Variants in CSMD2 observed in about 807,000 individuals in gnomAD.
CSMD2 encodes CUB and Sushi multiple domains 2.
Under a neutral mutation model 398.5 loss-of-function variants are expected in CSMD2, and 130 were observed. The observed-to-expected ratio is 0.33, with a 90% confidence interval of 0.28 to 0.38. The LOEUF (loss-of-function observed/expected upper bound fraction) is 0.38. Among genes scored for constraint, CSMD2 ranks in the 10% least tolerant of loss-of-function variants. The probability of loss-of-function intolerance (pLI) is 1.00; values close to 1 mark genes in which losing one functional copy is unlikely to be tolerated. For missense variants in CSMD2, 3,829 were observed against 4,764.9 expected (o/e 0.80, Z 5.78); for synonymous variants, 1,828 against 1,908.5 (o/e 0.96, Z 1.10).
chr1:33,916,728 T>C (rs1167005733), intron 5 of CSMD2, among the ~76,000 whole-genome samples: 3 of 152,204 alleles, frequency 2.0e-5, no homozygotes, highest in Non-Finnish European at 2.9e-5. Context: ...TCTGAGCCTA[T>C]ACTTGGGAAG....
intron 1 of CSMD2, among the ~76,000 whole-genome samples, chr1:34,112,479 C>T (rs982289333): frequency 5.9e-5 from 9 of 152,312 alleles, no homozygotes; most frequent in African/African-American, 1.9e-4. Context: ...TCCCAGTGGA[C>T]TGCTCTGCAG....
At position 33,716,194 on chromosome 1, in the gene CSMD2, T is replaced by C. The variant is rs566310373; in HGVS notation, c.3217+92A>G. The C allele has an allele frequency of 2.0e-5, 22 of 1,078,242 alleles. No homozygotes were observed. The East Asian group carries it at 4.1e-4, about 20-fold the overall frequency. The allele number at this position is 1,078,242 out of a possible 1,614,324, so 66.8% of individuals were successfully genotyped here. A position where few individuals can be genotyped will look rare whatever the true frequency, so the allele number is the denominator to read the frequency against. ...CCAGGGACTGGAGAGTGGATTAATATCTATCTGCTAGGAAAACCAGAGACT... is the reference window on the plus strand; with the variant it reads ...CCAGGGACTGGAGAGTGGATTAATACCTATCTGCTAGGAAAACCAGAGACT... On this transcript the variant is annotated intron_variant, in intron 20 of 70. Transcript: ENST00000373381.
chr1:33,714,131 C>A (rs1263071243), intron 21 of CSMD2, among the ~76,000 whole-genome samples: 1 of 152,150 alleles, frequency 6.6e-6, no homozygotes, highest in Non-Finnish European at 1.5e-5. Context: ...AGAGTGAGCA[C>A]CGCCATTGGA....
intron 24 of CSMD2, 92 bp from the exon 25 acceptor site, chr1:33,693,148 C>A (rs1645299898): frequency 7.1e-7 from 1 of 1,399,578 alleles, no homozygotes; most frequent in African/African-American, 1.5e-5. Context: ...GCTCTTGAGT[C>A]CCTTCCCTCT....
At chr1:33,977,994 A>G (rs1646030490) in intron 3 of CSMD2, among the ~76,000 whole-genome samples, 1 of 152,140 alleles carries the variant, frequency 6.6e-6, no homozygotes, top group Non-Finnish European at 1.5e-5. Flanking sequence ...ACCTCTAAGG[A>G]GGACTAAGGC....
At chr1:33,941,536 G>A (rs1030870694) in intron 3 of CSMD2, among the ~76,000 whole-genome samples, 4 of 152,220 alleles carry the variant, frequency 2.6e-5, no homozygotes, top group Non-Finnish European at 5.9e-5. Flanking sequence ...GCCTGTGTAC[G>A]TGTGTCCATA....
intron 2 of CSMD2, among the ~76,000 whole-genome samples, chr1:34,072,616 C>G (rs1163613697): frequency 6.6e-6 from 1 of 152,196 alleles, no homozygotes; most frequent in East Asian, 1.9e-4. Context: ...GACTGAGACT[C>G]TGGCTCCAGG....
At chr1:34,149,420 C>A (rs1557431520) in intron 1 of CSMD2, among the ~76,000 whole-genome samples, 1 of 152,170 alleles carries the variant, frequency 6.6e-6, no homozygotes, top group Non-Finnish European at 1.5e-5. Context: ...CCAGCTGCCC[C>A]CCACCAACAG....
chr1:33,538,704 C>T (rs553440998), intron 60 of CSMD2, among the ~76,000 whole-genome samples: 3 of 152,166 alleles, frequency 2.0e-5, no homozygotes, highest in Non-Finnish European at 2.9e-5. Context: ...GAGCAACCAG[C>T]GTGGCCTTTC....
At chr1:34,053,638 A>G (rs947147761) in intron 2 of CSMD2, among the ~76,000 whole-genome samples, 1 of 152,232 alleles carries the variant, frequency 6.6e-6, no homozygotes, top group Non-Finnish European at 1.5e-5. Flanking sequence ...ATTTCTTAAA[A>G]TGTAGTAAGA....
intron 27 of CSMD2, 137 bp downstream of exon 27, chr1:33,657,809 C>T: frequency 1.3e-6 from 1 of 786,654 alleles, no homozygotes; most frequent in South Asian, 1.8e-5. Flanking sequence ...GCAGGGTAAA[C>T]AATGGGTTTT....
intron 1 of CSMD2, 56 bp from the exon 2 acceptor site, chr1:34,089,249 TAG>T (rs1194713780): frequency 6.4e-6 from 9 of 1,409,396 alleles, no homozygotes; most frequent in Non-Finnish European, 8.9e-6. Context: ...TAGAAGCTTC[TAG>T]AGAGTCAGGA....
intron 32 of CSMD2, among the ~76,000 whole-genome samples, chr1:33,627,418 C>T (rs1642196037): frequency 6.6e-6 from 1 of 152,138 alleles, no homozygotes; most frequent in East Asian, 1.9e-4. Context: ...GAGGCAGCAG[C>T]ATGGCCACTC....
At chr1:33,734,472 AT>A (rs1362969929) in intron 15 of CSMD2, among the ~76,000 whole-genome samples, 1 of 152,070 alleles carries the variant, frequency 6.6e-6, no homozygotes, top group Non-Finnish European at 1.5e-5. Flanking sequence ...CCCTCCGAGT[AT>A]TTCTTTAAAA....
At chr1:33,933,830 G>T (rs1250229588) in intron 4 of CSMD2, among the ~76,000 whole-genome samples, 1 of 152,190 alleles carries the variant, frequency 6.6e-6, no homozygotes, top group East Asian at 1.9e-4. Flanking sequence ...TAGTTCCCTT[G>T]TGGTCCACCA....
intron 10 of CSMD2, among the ~76,000 whole-genome samples, chr1:33,802,852 A>G (rs1180033960): frequency 2.0e-5 from 3 of 151,978 alleles, no homozygotes; most frequent in Non-Finnish European, 4.4e-5. Context: ...TTTTTTCCTA[A>G]GCCTACTAAC....
In CSMD2 at chr1:33,743,403, C is replaced by T. The variant is rs146466517; in HGVS notation, c.2050G>A (p.Val684Ile). ...TGGTTTCCTGAGAAGGTGCCCAGGA[C>T]GGGCGCCTCGGCGGTGGCCCCATCC... Reference protein sequence around the residue: ...IKDGATAEAPVLGTFSGNQLP... With the variant: ...IKDGATAEAPILGTFSGNQLP... Residue 684 changes from valine (V) to isoleucine (I), a missense_variant, in exon 14 of 71, where the codon GTC becomes ATC. This residue lies in a region of CSMD2 where 2,001 missense variants were observed against 2,567.1 expected (regional missense o/e 0.78). Transcript: ENST00000373381. The T allele has an allele frequency of 4.3e-4, 697 of 1,614,138 alleles. 4 individuals are homozygous for T. The African/African-American group carries it at 7.6e-3, about 18-fold the overall frequency.
rs1486427765 is a variant in CSMD2 at position 33,600,969 on chromosome 1, G to A, written c.6752C>T (p.Thr2251Ile). ...CACTGTTTTCTTGGCCATGCTCCGG[G>A]TGAAGACGCCGAGCCGTGGTGCTGT... ...QQTAPRLGVF[T>I]RSMAKKTVQS... The change falls in exon 44 of 71, where the codon ACC becomes ATC. Residue 2251 changes from threonine (T) to isoleucine (I), a missense_variant. This residue lies in a region of CSMD2 where 723 missense variants were observed against 758.6 expected (regional missense o/e 0.95). Transcript: ENST00000373381. The A allele has an allele frequency of 6.2e-6, 10 of 1,614,150 alleles. No individual in the cohort carries two copies. The highest frequency in any genetic ancestry group is 6.8e-6 in the Non-Finnish European group (8 of 1,180,020).
chr1:33,734,574 C>T (rs1646823796), intron 15 of CSMD2, among the ~76,000 whole-genome samples: 1 of 152,054 alleles, frequency 6.6e-6, no homozygotes, highest in Non-Finnish European at 1.5e-5. Context: ...ATCATGAGGT[C>T]AGGAGTTTGA....
Sources: allele counts gnomAD v4.1 joint callset (sites outside exome capture counted in the v4.1 genomes callset), GRCh38; gene constraint gnomAD v4.1.1; regional missense constraint gnomAD v4.1.1; transcripts MANE v1.5; gene names NCBI Gene and HGNC (gene_info 2026-07-23, HGNC 2026-07-21).